The following ADGRV1 variants were observed in gnomAD, a reference collection of about 807,000 sequenced individuals.
The protein encoded by ADGRV1 is adhesion G protein-coupled receptor V1.
In ADGRV1, 359 loss-of-function variants were observed where a neutral mutation model predicts 596.2. The ratio of observed to expected loss-of-function variants is 0.60; its 90% CI spans 0.55 to 0.66. The LOEUF is 0.66. Among genes scored for constraint, ADGRV1 ranks in the 30% least tolerant of loss-of-function variants. The probability of loss-of-function intolerance (pLI) is 0.00; values close to 1 mark genes in which losing one functional copy is unlikely to be tolerated. For missense variants in ADGRV1, 7,274 were observed against 7,575.6 expected (o/e 0.96, Z 1.48); for synonymous variants, 2,681 against 2,679.2 (o/e 1.00, Z -0.02).
chr5:90,737,095 T>C (rs1753338167), intron 50 of ADGRV1, among the ~76,000 whole-genome samples: 1 of 151,956 alleles, frequency 6.6e-6, no homozygotes, highest in Admixed American at 6.5e-5. Flanking sequence ...TTTATTGCTG[T>C]AAATTTTCCT....
At chr5:90,963,441 G>A (rs896430102) in intron 83 of ADGRV1, among the ~76,000 whole-genome samples, 2 of 152,040 alleles carry the variant, frequency 1.3e-5, no homozygotes, top group African/African-American at 4.8e-5. Flanking sequence ...CAAAAGCTAT[G>A]TTGTGGTGCA....
intron 83 of ADGRV1, among the ~76,000 whole-genome samples, chr5:90,942,388 G>A (rs1776234368): frequency 6.6e-6 from 1 of 152,150 alleles, no homozygotes; most frequent in Non-Finnish European, 1.5e-5. Flanking sequence ...CTGGAAGAGG[G>A]GTCCCATTGG....
intron 85 of ADGRV1, among the ~76,000 whole-genome samples, chr5:91,061,750 G>C (rs1053504026): frequency 2.6e-5 from 4 of 152,186 alleles, no homozygotes; most frequent in Non-Finnish European, 5.9e-5. Context: ...TTTTTTGAGG[G>C]ATTTGTCAAT....
rs771085806 is a variant in ADGRV1, at chr5:90,635,244, A to G, written c.1970A>G (p.Asn657Ser). The change falls in exon 10 of 90, where the codon AAT (asparagine) becomes AGT (serine). Residue 657 changes from asparagine to serine, a missense_variant. Physicochemically the swap from Asn to Ser is conservative, Grantham distance 46. This residue lies in a region of ADGRV1 where 1,715 missense variants were observed against 1,708.8 expected (regional missense o/e 1.00). Transcript: ENST00000405460. ...AATGGAGAAATTGGCTTTCTCAGCA[A>G]TCTTCCAATTATTTTGCATGAACCA... ...IANGEIGFLS[N>S]LPIILHEPED... 16 of 1,612,712 alleles carry G rather than the reference A, an allele frequency of 9.9e-6. No individual in the cohort carries two copies. The highest frequency in any genetic ancestry group is 1.4e-5 in the Non-Finnish European group (16 of 1,179,532).
intron 87 of ADGRV1, among the ~76,000 whole-genome samples, chr5:91,116,264 A>G (rs1198784684): frequency 1.3e-5 from 2 of 152,224 alleles, no homozygotes; most frequent in African/African-American, 4.8e-5. Context: ...GAGAAATGGC[A>G]TGAAATAGCA....
chr5:90,644,847 C>A lies in ADGRV1; in HGVS notation c.2876C>A (p.Thr959Asn). 1 of 1,603,260 alleles carries A rather than the reference C, an allele frequency of 6.2e-7. No individual in the cohort carries two copies. The highest frequency in any genetic ancestry group is 8.5e-7 in the Non-Finnish European group (1 of 1,175,832). Residue 959 changes from threonine to asparagine, a missense_variant, in exon 15 of 90, where the codon ACC becomes AAC. Coordinates refer to ENST00000405460, the MANE Select transcript of ADGRV1 (RefSeq NM_032119.4). ...FGDQEFSKNI[T>N]IYSLPDEIPE... ...GATCAGGAATTTTCAAAAAATATCACCATTTACTCCCTTCCAGATGAGGTA... is the reference window on the plus strand; with the variant it reads ...GATCAGGAATTTTCAAAAAATATCAACATTTACTCCCTTCCAGATGAGGTA...
At chr5:91,149,889 G>A (rs1276005826) in intron 87 of ADGRV1, 141 bp from the exon 88 acceptor site, 2 of 509,182 alleles carry the variant, frequency 3.9e-6, no homozygotes, top group African/African-American at 2.0e-5. Flanking sequence ...AAATTACCCA[G>A]TCTTGGGTAT....
At chr5:90,891,581 A>T (rs1332184274) in intron 83 of ADGRV1, among the ~76,000 whole-genome samples, 1 of 151,954 alleles carries the variant, frequency 6.6e-6, no homozygotes, top group Non-Finnish European at 1.5e-5. Flanking sequence ...TAATCATCTC[A>T]TCAATTATGG....
chr5:90,598,201 C>T (rs369826965), intron 1 of ADGRV1, among the ~76,000 whole-genome samples: 6 of 152,318 alleles, frequency 3.9e-5, no homozygotes, highest in East Asian at 1.9e-4. Context: ...GGTATACCCA[C>T]GCCTTCAATT....
intron 1 of ADGRV1, among the ~76,000 whole-genome samples, chr5:90,599,226 C>A (rs558970697): frequency 3.7e-4 from 56 of 152,196 alleles, no homozygotes; most frequent in African/African-American, 1.3e-3. Context: ...CACTTCTCTG[C>A]AAAGATGAAT....
intron 83 of ADGRV1, among the ~76,000 whole-genome samples, chr5:90,959,892 C>T (rs1441202792): frequency 6.6e-6 from 1 of 152,122 alleles, no homozygotes; most frequent in East Asian, 1.9e-4. Context: ...GTAATCCCAG[C>T]ACTTTGGGAG....
intron 83 of ADGRV1, among the ~76,000 whole-genome samples, chr5:90,890,886 G>A (rs1770755553): frequency 6.6e-6 from 1 of 152,084 alleles, no homozygotes; most frequent in East Asian, 1.9e-4. Flanking sequence ...ATTTTAATTA[G>A]CATTCCCTGA....
chr5:90,936,702 C>A (rs1775724248), intron 83 of ADGRV1, among the ~76,000 whole-genome samples: 1 of 152,026 alleles, frequency 6.6e-6, no homozygotes, highest in South Asian at 2.1e-4. Context: ...ACCGTAGCTG[C>A]TTTCCAACAA....
At chr5:90,652,606 T>G (rs1768800676) in intron 19 of ADGRV1, 43 bp downstream of exon 19, 1 of 1,264,072 alleles carries the variant, frequency 7.9e-7, no homozygotes, top group Non-Finnish European at 1.1e-6. Flanking sequence ...CATGTCTTAT[T>G]TATACTAAAT....
At chr5:91,135,817 G>A (rs1047798765) in intron 87 of ADGRV1, among the ~76,000 whole-genome samples, 1 of 152,190 alleles carries the variant, frequency 6.6e-6, no homozygotes, top group East Asian at 1.9e-4. Context: ...GCATAATAAG[G>A]ACTGTGAACA....
chr5:90,993,938 AGACATGGT>A (rs1387078078), intron 85 of ADGRV1, among the ~76,000 whole-genome samples: 1 of 150,226 alleles, frequency 6.7e-6, no homozygotes, highest in Non-Finnish European at 1.5e-5. Context: ...TCTGTTCCTC[AGACATGGT>A]AACCACAATT....
chr5:91,092,722 T>C (rs1403664769), intron 86 of ADGRV1: 3 of 152,018 alleles, frequency 2.0e-5, no homozygotes, highest in African/African-American at 7.3e-5. Flanking sequence ...AAAATAAAGT[T>C]GGAAAACTAT....
rs966714739 is a variant in ADGRV1, at chr5:91,098,651, G to A, written c.18311-3568G>A. ...TTTTTCCTTACGGAGTTTCTAGTCT[G>A]GGGTGCCAAACTACTATACTTTTCT... On this transcript the variant is annotated intron_variant, in intron 86 of 89. Coordinates refer to ENST00000405460, the MANE Select transcript of ADGRV1 (RefSeq NM_032119.4). Among the ~76,000 whole-genome samples, 3 of 152,092 alleles carry A rather than the reference G, an allele frequency of 2.0e-5. No individual in the cohort carries two copies. In the South Asian group the frequency reaches 6.2e-4, roughly 32 times the overall value.
intron 84 of ADGRV1, among the ~76,000 whole-genome samples, chr5:90,967,220 G>T (rs1581656099): frequency 6.6e-6 from 1 of 151,948 alleles, no homozygotes; most frequent in Admixed American, 6.6e-5. Flanking sequence ...CACTATCTGT[G>T]TAAGCTTAAT....
Sources: gnomAD v4.1 joint callset for allele counts (sites outside exome capture counted in the v4.1 genomes callset) on GRCh38, gnomAD v4.1.1 for gene constraint, gnomAD v4.1.1 regional missense constraint, MANE v1.5 for transcripts, NCBI Gene and HGNC (gene_info 2026-07-23, HGNC 2026-07-21) for gene names.